Variants in NOL4L observed in about 807,000 individuals in gnomAD.
NOL4L encodes nucleolar protein 4 like.
Under a neutral mutation model 64.5 loss-of-function variants are expected in NOL4L, and 7 were observed. That is an observed-to-expected ratio of 0.11 (90% CI 0.06 to 0.20). The LOEUF is 0.20. Ranked by LOEUF, NOL4L falls within the 10% of genes least tolerant of loss-of-function variation. The pLI is 1.00. For synonymous variants in NOL4L, 413 were observed against 401.0 expected (o/e 1.03, Z -0.36); for missense variants, 680 against 967.1 (o/e 0.70, Z 3.94).
intron 5 of NOL4L, among the ~76,000 whole-genome samples, chr20:32,468,703 A>T (rs1568619846): frequency 6.6e-6 from 1 of 152,118 alleles, no homozygotes; most frequent in Non-Finnish European, 1.5e-5. Flanking sequence ...GTTTCAGACC[A>T]GCCTGACCAA....
chr20:32,547,704 A>C (rs1333355586), intron 1 of NOL4L, among the ~76,000 whole-genome samples: 2 of 152,154 alleles, frequency 1.3e-5, no homozygotes, highest in Non-Finnish European at 1.5e-5. Flanking sequence ...CAGGACTGCA[A>C]GCTCAACAAT....
intron 1 of NOL4L, chr20:32,573,814 G>A (rs1979915480): frequency 6.5e-6 from 1 of 154,478 alleles, no homozygotes; most frequent in Non-Finnish European, 1.4e-5. Context: ...AACCTCCAGA[G>A]AACATCCATC....
intron 1 of NOL4L, among the ~76,000 whole-genome samples, chr20:32,569,029 G>C (rs887680048): frequency 6.6e-6 from 1 of 152,132 alleles, no homozygotes; most frequent in African/African-American, 2.4e-5. Flanking sequence ...GAACTCAGCA[G>C]TGAACCAGAC....
At chr20:32,528,483 A>G (rs1479543930) in intron 1 of NOL4L, among the ~76,000 whole-genome samples, 1 of 151,894 alleles carries the variant, frequency 6.6e-6, no homozygotes, top group Admixed American at 6.6e-5. Context: ...GTGTGTGGAG[A>G]TGTACAGAAT....
intron 2 of NOL4L, among the ~76,000 whole-genome samples, chr20:32,525,396 G>C (rs1300016482): frequency 6.6e-6 from 1 of 152,224 alleles, no homozygotes; most frequent in Non-Finnish European, 1.5e-5. Flanking sequence ...GTGGTGGTCA[G>C]GGCACAGGCT....
At chr20:32,449,047 T>C (rs976800074) in intron 10 of NOL4L, among the ~76,000 whole-genome samples, 18 of 152,234 alleles carry the variant, frequency 1.2e-4, no homozygotes, top group Non-Finnish European at 7.3e-5. Flanking sequence ...CAAAGAGGTT[T>C]CAGGGCTTTC....
At chr20:32,489,117 A>G (rs569891935) in intron 4 of NOL4L, among the ~76,000 whole-genome samples, 9 of 145,618 alleles carry the variant, frequency 6.2e-5, no homozygotes, top group African/African-American at 2.4e-4. Context: ...ACATTTTTAT[A>G]TCATCTGATT....
intron 4 of NOL4L, among the ~76,000 whole-genome samples, chr20:32,497,769 G>A (rs932054888): frequency 2.6e-5 from 4 of 152,200 alleles, no homozygotes; most frequent in African/African-American, 9.7e-5. Context: ...AAACAGACCG[G>A]AGTCAGCTCC....
chr20:32,458,965 G>A (rs938403352), intron 5 of NOL4L, among the ~76,000 whole-genome samples: 2 of 152,242 alleles, frequency 1.3e-5, no homozygotes, highest in African/African-American at 4.8e-5. Flanking sequence ...CCCGGCACGG[G>A]GGCCCAGACT....
intron 4 of NOL4L, among the ~76,000 whole-genome samples, chr20:32,475,828 C>G (rs1313516285): frequency 6.6e-6 from 1 of 152,216 alleles, no homozygotes; most frequent in African/African-American, 2.4e-5. Context: ...TTGGTTGGAA[C>G]TTTCTTAGAC....
At chr20:32,535,816 A>G (rs2018503196) in intron 1 of NOL4L, 2 of 985,400 alleles carry the variant, frequency 2.0e-6, no homozygotes, top group African/African-American at 3.5e-5. Flanking sequence ...CCCAGTTAGA[A>G]GGAGAGGGGC....
At chr20:32,509,642 G>A (rs921375957) in intron 4 of NOL4L, 24 of 698,334 alleles carry the variant, frequency 3.4e-5, no homozygotes, top group African/African-American at 1.1e-4. Context: ...CTGAATCCTC[G>A]TTAAAGCACC....
At chr20:32,576,757 C>A (rs1980135281) in intron 1 of NOL4L, among the ~76,000 whole-genome samples, 1 of 152,244 alleles carries the variant, frequency 6.6e-6, no homozygotes, top group Non-Finnish European at 1.5e-5. Flanking sequence ...GCCAGGCCTG[C>A]AGCTGCAGTT....
chr20:32,516,386 CTG>C (rs573643514), intron 3 of NOL4L, among the ~76,000 whole-genome samples: 27 of 152,206 alleles, frequency 1.8e-4, no homozygotes, highest in African/African-American at 6.5e-4. Flanking sequence ...CGTGAGGAAA[CTG>C]TGTGCGGTGC....
intron 1 of NOL4L, among the ~76,000 whole-genome samples, chr20:32,533,014 G>A (rs1237721888): frequency 6.6e-6 from 1 of 152,214 alleles, no homozygotes. Context: ...AGCTGGGCAT[G>A]GTGGCGCATG....
rs767644205 is a variant in NOL4L, at chr20:32,517,146, G to GC, written c.589+3664_589+3665insG. Among the ~76,000 whole-genome samples, 605 of 152,196 alleles carry GC rather than the reference G, an allele frequency of 4.0e-3. 1 individual carries two copies. The highest frequency in any genetic ancestry group is 5.9e-3 in the Non-Finnish European group (398 of 67,994). ...TGGGGGAGGGCACGGGGCTGTCCAG[G>GC]TCCCCCCCACTCTGCTGGGGAGAGA... On this transcript the variant is annotated intron_variant, in intron 3 of 10. Transcript: ENST00000621426.
chr20:32,465,004 TA>T, intron 5 of NOL4L: 1 of 617,292 alleles, frequency 1.6e-6, no homozygotes, highest in Non-Finnish European at 2.9e-6. Context: ...GATCTTCCCC[TA>T]AAACTGAAAT....
intron 4 of NOL4L, among the ~76,000 whole-genome samples, chr20:32,485,087 A>AC (rs59287041): frequency 3.6e-5 from 5 of 137,702 alleles, no homozygotes; most frequent in Admixed American, 1.5e-4. Context: ...AAAAAAAAAA[A>AC]CAACTAAAAA....
At chr20:32,483,901 G>A (rs74801369) in intron 4 of NOL4L, among the ~76,000 whole-genome samples, 18 of 149,414 alleles carry the variant, frequency 1.2e-4, no homozygotes, top group African/African-American at 4.2e-4. Flanking sequence ...ACGCGCCGCC[G>A]TGCGCTTCGG....
Sources: allele counts gnomAD v4.1 joint callset (sites outside exome capture counted in the v4.1 genomes callset), GRCh38; gene constraint gnomAD v4.1.1; transcripts MANE v1.5; gene names NCBI Gene and HGNC (gene_info 2026-07-23, HGNC 2026-07-21).